Variants in EFHB observed in about 807,000 individuals in gnomAD.
EFHB encodes the protein EF-hand domain family member B.
In EFHB, 91 loss-of-function variants were observed where a neutral mutation model predicts 87.2. The observed-to-expected ratio is 1.04, with a 90% CI of 0.88 to 1.24. The LOEUF is 1.24. EFHB is among the 50% of genes most tolerant of loss of function. The pLI, the probability that EFHB is intolerant of heterozygous loss-of-function variation, is 0.00. For synonymous variants in EFHB, 325 were observed against 333.6 expected (o/e 0.97, Z 0.28); for missense variants, 1,084 against 998.8 (o/e 1.09, Z -1.15).
chr3:19,912,743 TTTTTA>T (rs1695104662), intron 5 of EFHB, among the ~76,000 whole-genome samples: 1 of 151,692 alleles, frequency 6.6e-6, no homozygotes, highest in Non-Finnish European at 1.5e-5. Context: ...AGGCATAGAG[TTTTTA>T]TTTTATTTTT....
At position 19,919,924 on chromosome 3, in the gene EFHB, G is replaced by C. The variant is rs2125152284; in HGVS notation, c.905C>G (p.Ala302Gly). The change falls in exon 3 of 13, where the codon GCT becomes GGT. Residue 302 changes from alanine to glycine, a missense_variant. Physicochemically the swap from Ala to Gly is moderately conservative, Grantham distance 60. Coordinates refer to ENST00000295824, the MANE Select transcript of EFHB (RefSeq NM_144715.4). Reference protein sequence around the residue: ...KKYFNFRYPPAGVERVFYGRA... With the variant: ...KKYFNFRYPPGGVERVFYGRA... Reference sequence around the variant, plus strand: ...TCCGTAAAATACTCTTTCTACTCCAGCAGGTGGATATCTGAAGTTGAAATA... The same window carrying C: ...TCCGTAAAATACTCTTTCTACTCCACCAGGTGGATATCTGAAGTTGAAATA... 6.2e-7 allele frequency: 1 copy of C among 1,613,784 alleles called. No individual in the cohort carries two copies. Among genetic ancestry groups the C allele is most frequent in the African/African-American group, 1.3e-5 (1 of 75,040 alleles).
intron 6 of EFHB, among the ~76,000 whole-genome samples, chr3:19,905,123 A>C (rs1694796836): frequency 6.6e-6 from 1 of 152,230 alleles, no homozygotes; most frequent in East Asian, 1.9e-4. Context: ...CAGGATGGTT[A>C]TTCATGCCTT....
chr3:19,933,936 A>G lies in EFHB; in HGVS notation c.83T>C (p.Met28Thr). Residue 28 changes from methionine (M) to threonine (T), a missense_variant, in exon 1 of 13, where the codon ATG becomes ACG. By Grantham distance (81) the Met-to-Thr change is moderately conservative (BLOSUM62 -1). Coordinates refer to ENST00000295824, the MANE Select transcript of EFHB (RefSeq NM_144715.4). ...KRVIMGTKFPMELGIRVGLGK... is the reference protein window; with the variant it reads ...KRVIMGTKFPTELGIRVGLGK... The stretch of plus-strand genomic sequence containing the variant: ...TAATCCTACTCTGATCCCCAACTCC[A>G]TGGGAAATTTTGTTCCCATGATGAC... The G allele has an allele frequency of 6.8e-6, 11 of 1,613,848 alleles. No homozygotes were observed. Among genetic ancestry groups the G allele is most frequent in the Non-Finnish European group, 9.3e-6 (11 of 1,179,842 alleles).
At chr3:19,909,567 T>C (rs2931393) in intron 5 of EFHB, among the ~76,000 whole-genome samples, 119,859 of 152,020 alleles carry the variant, frequency 0.79, 48,341 homozygotes, top group African/African-American at 0.91. Context: ...GGGTAGGTGG[T>C]GGGATACATG....
chr3:19,930,990 T>G (rs1400634723), intron 1 of EFHB, among the ~76,000 whole-genome samples: 1 of 151,836 alleles, frequency 6.6e-6, no homozygotes, highest in East Asian at 1.9e-4. Flanking sequence ...AAAATTAAAT[T>G]TAGAAAAAAA....
intron 4 of EFHB, among the ~76,000 whole-genome samples, chr3:19,916,560 T>A (rs989344984): frequency 1.3e-5 from 2 of 151,980 alleles, no homozygotes; most frequent in East Asian, 3.9e-4. Context: ...AAAATGAATC[T>A]GTATCCTCAA....
In EFHB at chr3:19,919,364, CT is replaced by C. The variant is rs752615220; in HGVS notation, c.996+468del. 6.5e-3 allele frequency among the ~76,000 whole-genome samples: 894 copies of C among 137,038 alleles called. 1 individual carries two copies. Among genetic ancestry groups the C allele is most frequent in the Middle Eastern group, 0.011 (3 of 272 alleles). 89.9% of individuals were successfully genotyped at this position (137,038 alleles called of 152,430 possible). ...GGCGCCTGCTACCATGCCCCAGCTG[CT>C]TTTTTTTTTTTTTTTACTTTTAGTA... On this transcript the variant is annotated intron_variant, in intron 3 of 12. Transcript: ENST00000295824.
intron 6 of EFHB, among the ~76,000 whole-genome samples, chr3:19,903,373 G>A (rs1694736235): frequency 1.3e-5 from 2 of 151,984 alleles, no homozygotes; most frequent in Admixed American, 1.3e-4. Flanking sequence ...GGACCACATT[G>A]TTGTTAATGT....
intron 1 of EFHB, among the ~76,000 whole-genome samples, chr3:19,939,451 C>T (rs1575057646): frequency 1.6e-5 from 2 of 125,570 alleles, no homozygotes; most frequent in East Asian, 5.4e-4. Context: ...GTGGCGCGAT[C>T]TTGGCTCACT....
chr3:19,922,490 G>A (rs1695469730), intron 1 of EFHB, among the ~76,000 whole-genome samples: 1 of 152,152 alleles, frequency 6.6e-6, no homozygotes, highest in Non-Finnish European at 1.5e-5. Flanking sequence ...CCCAAGGTAA[G>A]GTAGCGGGGC....
chr3:19,936,008 CAA>C (rs751728589), upstream of EFHB: 17,823 of 537,304 alleles, frequency 0.033, no homozygotes, highest in East Asian at 0.067. Flanking sequence ...GACTCCATCT[CAA>C]AAAAAAAAAA....
intron 1 of EFHB, among the ~76,000 whole-genome samples, chr3:19,922,932 C>G (rs1320109193): frequency 6.6e-6 from 1 of 152,126 alleles, no homozygotes. Flanking sequence ...ATATTCGGGA[C>G]TCTCCCAAAA....
Position 19,892,037 on chromosome 3 carries a change from G to A in EFHB, c.1726-3386C>T, listed in dbSNP as rs562459623. Among the ~76,000 whole-genome samples the A allele has an allele frequency of 5.3e-5, 8 of 152,184 alleles. No individual in the cohort carries two copies. In the South Asian group the frequency reaches 1.7e-3, roughly 32 times the overall value. ...CCCTCCCTCCTCAGAGCTATTGGTG[G>A]TGCCACACCAATATTGACACTTATT... is the stretch of plus-strand genomic sequence containing the variant. On this transcript the variant is annotated intron_variant, in intron 9 of 12. Coordinates refer to ENST00000295824, the MANE Select transcript of EFHB (RefSeq NM_144715.4).
chr3:19,917,621 T>C (rs1228789491), intron 4 of EFHB, among the ~76,000 whole-genome samples: 3 of 152,108 alleles, frequency 2.0e-5, no homozygotes, highest in Non-Finnish European at 4.4e-5. Context: ...TAAAGAAAGG[T>C]ACCCAACAAC....
intron 1 of EFHB, chr3:19,940,392 C>T: frequency 2.3e-6 from 1 of 428,738 alleles, no homozygotes; most frequent in East Asian, 5.9e-5. Flanking sequence ...CTCTCTCCAG[C>T]TCTTTCTGCT....
rs150017675 is a variant in EFHB at position 19,922,820 on chromosome 3, C to A, written c.790-2253G>T. On this transcript the variant is annotated intron_variant, in intron 1 of 12. Transcript: ENST00000295824. ...ATTAAATGAGTTAATACATATAAAACGCTTAGAACAGTGTCCACACATGCT... is the reference window on the plus strand; with the variant it reads ...ATTAAATGAGTTAATACATATAAAAAGCTTAGAACAGTGTCCACACATGCT... Among the ~76,000 whole-genome samples the A allele has an allele frequency of 2.0e-5, 3 of 152,116 alleles. No homozygotes were observed. In the South Asian group the frequency reaches 6.2e-4, roughly 31 times the overall value.
At position 19,882,549 on chromosome 3, in the gene EFHB, C is replaced by A. The variant is rs1288771804; in HGVS notation, c.2328+1G>T. 2 of 1,591,128 alleles carry A rather than the reference C, an allele frequency of 1.3e-6. No individual in the cohort carries two copies. The highest frequency in any genetic ancestry group is 1.7e-6 in the Non-Finnish European group (2 of 1,166,390). Reference sequence around the variant, plus strand: ...CATTTTTGTATGCTTATATGCTATACCTCTTCTTTTGATCTGGTCTTGAAG... The same window carrying A: ...CATTTTTGTATGCTTATATGCTATAACTCTTCTTTTGATCTGGTCTTGAAG... On this transcript the variant is annotated splice_donor_variant, in intron 12 of 12. Transcript: ENST00000295824. LOFTEE classifies it high-confidence loss of function.
At chr3:19,927,804 A>G (rs1695681942) in intron 1 of EFHB, among the ~76,000 whole-genome samples, 1 of 151,942 alleles carries the variant, frequency 6.6e-6, no homozygotes, top group African/African-American at 2.4e-5. Context: ...GGCATCAAAT[A>G]CTTTACCATC....
chr3:19,930,892 G>A (rs1695806830), intron 1 of EFHB, among the ~76,000 whole-genome samples: 1 of 152,170 alleles, frequency 6.6e-6, no homozygotes, highest in African/African-American at 2.4e-5. Context: ...CAGCACTTTG[G>A]GAGGCCAAGG....
Sources: gnomAD v4.1 joint callset for allele counts (sites outside exome capture counted in the v4.1 genomes callset) on GRCh38, gnomAD v4.1.1 for gene constraint, MANE v1.5 for transcripts, NCBI Gene and HGNC (gene_info 2026-07-23, HGNC 2026-07-21) for gene names.